ASIC2: variants seen among roughly 807,000 people sequenced by gnomAD.
ASIC2 encodes the protein acid-sensing ion channel 2.
In ASIC2, 25 loss-of-function variants were observed where a neutral mutation model predicts 57.3. The ratio of observed to expected loss-of-function variants is 0.44; its 90% CI spans 0.32 to 0.61. The LOEUF (loss-of-function observed/expected upper bound fraction) is 0.61. ASIC2 is among the 20% of genes least tolerant of loss of function. The probability of loss-of-function intolerance (pLI) is 0.06; values close to 1 mark genes in which losing one functional copy is unlikely to be tolerated. For missense variants in ASIC2, 641 were observed against 738.1 expected (o/e 0.87, Z 1.52); for synonymous variants, 319 against 307.5 (o/e 1.04, Z -0.39).
chr17:34,039,020 AC>A lies in ASIC2; in HGVS notation c.555+116957del. ...CGGTCTTGCATGCTCTTATCTCTAC[AC>A]GCCATCTTCTCTTGTTTTGACTTTT... is the stretch of plus-strand genomic sequence containing the variant. On this transcript the variant is annotated intron_variant, in intron 1 of 9. Coordinates refer to the ASIC2 transcript ENST00000359872. 3 of 1,614,080 alleles carry A rather than the reference AC, an allele frequency of 1.9e-6. No homozygotes were observed. The South Asian group carries it at 3.3e-5, about 18-fold the overall frequency.
At chr17:33,047,892 A>G (rs375307888) in intron 3 of ASIC2, among the ~76,000 whole-genome samples, 4 of 152,298 alleles carry the variant, frequency 2.6e-5, no homozygotes, top group East Asian at 1.9e-4. Context: ...TAAATATACC[A>G]TCTACCTCAG....
At chr17:33,603,951 G>A (rs35891763) in intron 1 of ASIC2, among the ~76,000 whole-genome samples, 20,903 of 152,208 alleles carry the variant, frequency 0.14, 1,624 homozygotes, top group Non-Finnish European at 0.17. Flanking sequence ...AGAGGGTCAC[G>A]TGGGAGGTTT....
At chr17:33,339,548 C>A (rs1907647636) in intron 1 of ASIC2, among the ~76,000 whole-genome samples, 1 of 152,218 alleles carries the variant, frequency 6.6e-6, no homozygotes, top group African/African-American at 2.4e-5. Flanking sequence ...TAAAAAGTCA[C>A]TTTGGCAATT....
At chr17:33,354,071 C>T (rs1397667237) in intron 1 of ASIC2, among the ~76,000 whole-genome samples, 1 of 152,116 alleles carries the variant, frequency 6.6e-6, no homozygotes, top group Non-Finnish European at 1.5e-5. Flanking sequence ...CAGGGGAACT[C>T]ATCTTTATAA....
chr17:34,131,281 G>A (rs116219366), intron 1 of ASIC2, among the ~76,000 whole-genome samples: 1 of 151,274 alleles, frequency 6.6e-6, no homozygotes, highest in South Asian at 2.1e-4. Flanking sequence ...GGGCCATTTG[G>A]TCATGGGAAT....
At chr17:33,319,959 A>G (rs904416108) in intron 1 of ASIC2, among the ~76,000 whole-genome samples, 27 of 152,254 alleles carry the variant, frequency 1.8e-4, no homozygotes, top group Admixed American at 1.6e-3. Context: ...TGGGGGAAAA[A>G]TCTTTGGGGA....
rs576071878 is a variant in ASIC2 at position 33,462,071 on chromosome 17, C to A, written c.556-350004G>T. ...GCGTATTTCATGATATTCAGGTAAG[C>A]ATTTTGACAGAGTTAATCACAGGGT... On this transcript the variant is annotated intron_variant, in intron 1 of 9. Transcript: ENST00000359872. Among the ~76,000 whole-genome samples the A allele has an allele frequency of 7.2e-5, 11 of 152,310 alleles. 2 individuals are homozygous for A. In the Middle Eastern group the frequency reaches 0.02, roughly 283 times the overall value.
intron 1 of ASIC2, among the ~76,000 whole-genome samples, chr17:33,735,016 T>C (rs1909867147): frequency 6.6e-6 from 1 of 152,214 alleles, no homozygotes; most frequent in South Asian, 2.1e-4. Context: ...GAGACTGCAC[T>C]TCGCTGTTGC....
chr17:33,097,637 G>A (rs894423148), intron 2 of ASIC2, among the ~76,000 whole-genome samples: 1 of 152,254 alleles, frequency 6.6e-6, no homozygotes, highest in African/African-American at 2.4e-5. Context: ...TAGTGGGCTA[G>A]AAGCCACATT....
chr17:33,203,436 CT>C (rs1466357488), intron 1 of ASIC2, among the ~76,000 whole-genome samples: 1 of 152,202 alleles, frequency 6.6e-6, no homozygotes, highest in Non-Finnish European at 1.5e-5. Flanking sequence ...AACTGGACCT[CT>C]GTAGAATGAT....
intron 1 of ASIC2, among the ~76,000 whole-genome samples, chr17:33,278,567 A>T (rs1597663226): frequency 6.6e-6 from 1 of 152,128 alleles, no homozygotes; most frequent in African/African-American, 2.4e-5. Flanking sequence ...GGGATTTTTT[A>T]AATCAGCCCT....
intron 1 of ASIC2, among the ~76,000 whole-genome samples, chr17:33,647,968 A>T (rs753661564): frequency 6.6e-6 from 1 of 152,150 alleles, no homozygotes; most frequent in African/African-American, 2.4e-5. Context: ...TGCCACCCCC[A>T]TACCTGTCAC....
At chr17:34,139,671 A>C (rs1912218820) in intron 1 of ASIC2, among the ~76,000 whole-genome samples, 1 of 152,242 alleles carries the variant, frequency 6.6e-6, no homozygotes, top group Admixed American at 6.5e-5. Flanking sequence ...CACATACTAC[A>C]TGACTGCATT....
chr17:33,540,927 C>T (rs1367143412), intron 1 of ASIC2, among the ~76,000 whole-genome samples: 1 of 152,226 alleles, frequency 6.6e-6, no homozygotes, highest in Non-Finnish European at 1.5e-5. Flanking sequence ...CCCTTTTGCA[C>T]ATCTTCATGT....
chr17:33,296,986 C>T (rs1905745052), upstream of ASIC2, among the ~76,000 whole-genome samples: 1 of 152,264 alleles, frequency 6.6e-6, no homozygotes, highest in Non-Finnish European at 1.5e-5. Flanking sequence ...TTTAAAGCTT[C>T]TTCCTTTCAT....
intron 1 of ASIC2, among the ~76,000 whole-genome samples, chr17:33,259,534 C>T (rs1909205280): frequency 6.6e-6 from 1 of 151,578 alleles, no homozygotes; most frequent in Non-Finnish European, 1.5e-5. Context: ...TTGCCAGGCC[C>T]CCTTTACTGA....
chr17:33,669,471 G>A (rs985035150), intron 1 of ASIC2, among the ~76,000 whole-genome samples: 2 of 152,148 alleles, frequency 1.3e-5, no homozygotes, highest in African/African-American at 2.4e-5. Flanking sequence ...TAGACAGACA[G>A]ACAGACAGAC....
At chr17:33,868,421 C>T (rs1914302818) in intron 1 of ASIC2, among the ~76,000 whole-genome samples, 1 of 151,912 alleles carries the variant, frequency 6.6e-6, no homozygotes, top group South Asian at 2.1e-4. Flanking sequence ...AAGTCAGACC[C>T]CTACCTCACA....
chr17:33,217,156 A>G (rs1278520406), intron 1 of ASIC2, among the ~76,000 whole-genome samples: 1 of 152,174 alleles, frequency 6.6e-6, no homozygotes. Context: ...GTGTGATGAG[A>G]GCCCCTGCTC....
Sources: allele counts gnomAD v4.1 joint callset (sites outside exome capture counted in the v4.1 genomes callset), GRCh38; gene constraint gnomAD v4.1.1; transcripts MANE v1.5; gene names NCBI Gene and HGNC (gene_info 2026-07-23, HGNC 2026-07-21).